The following USP37 variants were observed in gnomAD, a reference collection of about 807,000 sequenced individuals.
USP37 encodes the protein ubiquitin specific peptidase 37.
Under a neutral mutation model 124.0 loss-of-function variants are expected in USP37, and 27 were observed. That is an observed-to-expected ratio of 0.22 (90% CI 0.16 to 0.30). The LOEUF is 0.30. USP37 is among the 10% of genes least tolerant of loss of function. The probability of loss-of-function intolerance (pLI) is 1.00; values close to 1 mark genes in which losing one functional copy is unlikely to be tolerated. For missense variants in USP37, 889 were observed against 1,140.4 expected, an observed-to-expected ratio of 0.78 and a Z score of 3.17; for synonymous variants, 365 against 388.0, an observed-to-expected ratio of 0.94 and a Z score of 0.70.
chr2:218,515,542 TAACTC>T (rs1690231805), intron 10 of USP37, among the ~76,000 whole-genome samples: 2 of 152,008 alleles, frequency 1.3e-5, no homozygotes, highest in South Asian at 4.1e-4. Flanking sequence ...ACGAAAAAAT[TAACTC>T]AAGATGGATT....
intron 19 of USP37, among the ~76,000 whole-genome samples, chr2:218,475,713 G>A (rs920348311): frequency 1.3e-5 from 2 of 152,052 alleles, no homozygotes; most frequent in African/African-American, 4.8e-5. Context: ...CTGGGTGACA[G>A]GGCAAGAGTC....
At chr2:218,564,082 A>G (rs929953882) in intron 1 of USP37, among the ~76,000 whole-genome samples, 2 of 152,086 alleles carry the variant, frequency 1.3e-5, no homozygotes, top group Admixed American at 1.3e-4. Context: ...AAAGAAAGAA[A>G]AAAAAAGAAG....
intron 10 of USP37, among the ~76,000 whole-genome samples, chr2:218,525,920 A>G (rs535780260): frequency 2.6e-5 from 4 of 152,180 alleles, no homozygotes; most frequent in East Asian, 1.9e-4. Flanking sequence ...GCTCCCACCT[A>G]TAAGTGAGAA....
chr2:218,488,948 T>C (rs556600556), intron 14 of USP37, among the ~76,000 whole-genome samples: 34 of 152,216 alleles, frequency 2.2e-4, no homozygotes, highest in African/African-American at 7.9e-4. Context: ...TTTTAAACTT[T>C]ATATAAGCAA....
chr2:218,459,671 G>C (rs994985578), intron 23 of USP37, 119 bp downstream of exon 23: 2 of 667,056 alleles, frequency 3.0e-6, no homozygotes, highest in Non-Finnish European at 5.1e-6. Context: ...ACCATCTAAT[G>C]GCTACTGAAA....
At chr2:218,548,419 C>T (rs1329646174) in intron 6 of USP37, among the ~76,000 whole-genome samples, 1 of 151,578 alleles carries the variant, frequency 6.6e-6, no homozygotes, top group Non-Finnish European at 1.5e-5. Flanking sequence ...CTGCTTCCTG[C>T]AGCCTTGACT....
At chr2:218,522,562 CAAAA>C (rs11335637) in intron 10 of USP37, among the ~76,000 whole-genome samples, 1 of 105,284 alleles carries the variant, frequency 9.5e-6, no homozygotes, top group Non-Finnish European at 1.9e-5. Context: ...AACTCCACCA[CAAAA>C]AAAAAAAAAA....
At chr2:218,476,786 G>T in intron 19 of USP37, 54 bp downstream of exon 19, 1 of 1,529,682 alleles carries the variant, frequency 6.5e-7, no homozygotes, top group Non-Finnish European at 8.8e-7. Flanking sequence ...CATTTGTTTG[G>T]ACAGTAAGAG....
chr2:218,558,638 T>A lies in USP37; in HGVS notation c.16A>T (p.Ile6Leu). Residue 6 changes from isoleucine (I) to leucine (L), a missense_variant, in exon 4 of 26, where the codon ATA (isoleucine) becomes TTA (leucine). Physicochemically the swap from Ile to Leu is conservative, Grantham distance 5. Coordinates refer to ENST00000258399, the MANE Select transcript of USP37 (RefSeq NM_020935.3). ...CTTCGAATTCTGATAGGACCATGTA[T>A]CTTCAGAGGAGACATATTTTCTTTA... The part of the protein sequence containing the change: MSPLK[I>L]HGPIRIRSMQ... 1.2e-6 allele frequency: 2 copies of A among 1,601,432 alleles called. No homozygotes were observed. Among genetic ancestry groups the A allele is most frequent in the Non-Finnish European group, 1.7e-6 (2 of 1,174,854 alleles).
rs763227541 is a variant in USP37, at chr2:218,497,864, A to C, written c.1158-7T>G. ...AAGCAAGTGTGCAAAGCGTCTAGTA[A>C]AACAAAAAACACAAAGTTAGCACGT... is the stretch of plus-strand genomic sequence containing the variant. On this transcript the variant is annotated splice_polypyrimidine_tract_variant and splice_region_variant and intron_variant, in intron 12 of 25. Coordinates refer to ENST00000258399, the MANE Select transcript of USP37 (RefSeq NM_020935.3). 15 of 1,610,634 alleles carry C rather than the reference A, an allele frequency of 9.3e-6. No individual in the cohort carries two copies.
At chr2:218,513,776 A>T (rs1313720515) in intron 10 of USP37, among the ~76,000 whole-genome samples, 2 of 152,194 alleles carry the variant, frequency 1.3e-5, no homozygotes, top group Non-Finnish European at 2.9e-5. Context: ...GTATGAATAT[A>T]CCACAATTTG....
intron 20 of USP37, among the ~76,000 whole-genome samples, chr2:218,470,777 C>T (rs577903993): frequency 6.6e-6 from 1 of 152,314 alleles, no homozygotes; most frequent in East Asian, 1.9e-4. Context: ...CCTTCCTGCC[C>T]CTCCTCAGCT....
intron 10 of USP37, among the ~76,000 whole-genome samples, chr2:218,526,339 C>T (rs954912371): frequency 6.6e-6 from 1 of 152,020 alleles, no homozygotes; most frequent in Non-Finnish European, 1.5e-5. Flanking sequence ...TCAAGTGATT[C>T]TCCTGCTTCA....
chr2:218,539,381 G>C (rs1293138293), intron 8 of USP37, among the ~76,000 whole-genome samples: 3 of 152,112 alleles, frequency 2.0e-5, no homozygotes, highest in Non-Finnish European at 2.9e-5. Flanking sequence ...ATGGATGGAA[G>C]ATTCATTCTT....
At chr2:218,475,795 G>A (rs1247756205) in intron 19 of USP37, among the ~76,000 whole-genome samples, 1 of 151,816 alleles carries the variant, frequency 6.6e-6, no homozygotes, top group Non-Finnish European at 1.5e-5. Context: ...ATGTTGTGGT[G>A]TACGTCTGTA....
At chr2:218,494,960 A>G (rs1688990870) in intron 14 of USP37, among the ~76,000 whole-genome samples, 1 of 152,186 alleles carries the variant, frequency 6.6e-6, no homozygotes, top group Non-Finnish European at 1.5e-5. Flanking sequence ...GCAAGTAATA[A>G]GTTGTGTTTT....
At chr2:218,536,393 T>C (rs551842133) in intron 8 of USP37, among the ~76,000 whole-genome samples, 38 of 152,316 alleles carry the variant, frequency 2.5e-4, no homozygotes, top group Admixed American at 9.8e-4. Context: ...ACTTATGTTT[T>C]TGATAGCCAG....
chr2:218,491,866 C>T (rs1048836166), intron 14 of USP37, among the ~76,000 whole-genome samples: 4 of 152,006 alleles, frequency 2.6e-5, no homozygotes, highest in African/African-American at 4.8e-5. Flanking sequence ...AACAAATGGC[C>T]TTTATGTAAA....
intron 21 of USP37, 152 bp downstream of exon 21, chr2:218,465,858 A>C: frequency 9.6e-7 from 1 of 1,042,518 alleles, no homozygotes; most frequent in Non-Finnish European, 1.3e-6. Flanking sequence ...ACCCTGCCTC[A>C]AACAAGTCTT....
Sources: allele counts gnomAD v4.1 joint callset (sites outside exome capture counted in the v4.1 genomes callset), GRCh38; gene constraint gnomAD v4.1.1; transcripts MANE v1.5; gene names NCBI Gene and HGNC (gene_info 2026-07-23, HGNC 2026-07-21).